CCNY: variants seen among roughly 807,000 people sequenced by gnomAD.
CCNY encodes the protein cyclin-Y.
A neutral mutation model predicts 42.8 loss-of-function variants in CCNY; 19 were observed. The ratio of observed to expected loss-of-function variants is 0.44; its 90% confidence interval spans 0.31 to 0.65. CCNY has a LOEUF of 0.65. Ranked by LOEUF, CCNY falls within the 30% of genes least tolerant of loss-of-function variation. The probability of loss-of-function intolerance (pLI) is 0.07; values close to 1 mark genes in which losing one functional copy is unlikely to be tolerated. For missense variants in CCNY, 370 were observed against 437.3 expected, an observed-to-expected ratio of 0.85 and a Z score of 1.37; for synonymous variants, 165 against 162.7, an observed-to-expected ratio of 1.01 and a Z score of -0.11.
At chr10:35,406,621 G>A (rs932756764) in intron 1 of CCNY, among the ~76,000 whole-genome samples, 1 of 152,198 alleles carries the variant, frequency 6.6e-6, no homozygotes, top group African/African-American at 2.4e-5. Flanking sequence ...AGTCTCCCAT[G>A]TCTACCTCTT....
At chr10:35,410,881 A>G (rs180898213) in intron 1 of CCNY, among the ~76,000 whole-genome samples, 2 of 152,320 alleles carry the variant, frequency 1.3e-5, no homozygotes, top group Admixed American at 1.3e-4. Context: ...TCGCTGGTCT[A>G]GAGAACTACT....
chr10:35,543,432 G>C (rs188453694), intron 7 of CCNY, among the ~76,000 whole-genome samples: 4 of 152,304 alleles, frequency 2.6e-5, no homozygotes, highest in Admixed American at 6.5e-5. Flanking sequence ...TTCAGTCAAC[G>C]ATGGACCACA....
rs2504369 is a variant in CCNY at position 35,389,522 on chromosome 10, C to T, written c.154+52315C>T. Among the ~76,000 whole-genome samples, 559 of 150,872 alleles carry T rather than the reference C, an allele frequency of 3.7e-3. 1 individual carries two copies. Among genetic ancestry groups the T allele is most frequent in the Admixed American group, 6.9e-3 (104 of 15,162 alleles). ...TGGTATGATCTCGGCTTGCTGCAAC[C>T]TCTGCCTCCCGGGTTCAAGCAGTTC... On this transcript the variant is annotated intron_variant, in intron 1 of 9. Transcript: ENST00000374704.
At chr10:35,497,041 C>G (rs1840016638) in intron 2 of CCNY, among the ~76,000 whole-genome samples, 2 of 152,284 alleles carry the variant, frequency 1.3e-5, no homozygotes, top group South Asian at 4.1e-4. Context: ...TCACTGTAGC[C>G]AATTAAAAAT....
At chr10:35,390,024 A>G (rs180847487) in intron 1 of CCNY, among the ~76,000 whole-genome samples, 4 of 152,380 alleles carry the variant, frequency 2.6e-5, no homozygotes, top group Non-Finnish European at 5.9e-5. Context: ...ATGGAAAATG[A>G]GGAAGATCTC....
chr10:35,386,319 G>A (rs527845154), intron 1 of CCNY, among the ~76,000 whole-genome samples: 133 of 152,240 alleles, frequency 8.7e-4, no homozygotes, highest in African/African-American at 3.0e-3. Context: ...GGGATTTCCC[G>A]GTAAAGCATG....
intron 1 of CCNY, among the ~76,000 whole-genome samples, chr10:35,383,807 A>G (rs1837244505): frequency 6.6e-6 from 1 of 152,220 alleles, no homozygotes; most frequent in African/African-American, 2.4e-5. Flanking sequence ...GATTGGGGAC[A>G]GTACTTTTAG....
intron 1 of CCNY, among the ~76,000 whole-genome samples, chr10:35,446,216 T>G (rs1330076919): frequency 6.6e-6 from 1 of 152,254 alleles, no homozygotes; most frequent in Non-Finnish European, 1.5e-5. Context: ...TGATGGCTAT[T>G]TCAGCCTTTT....
chr10:35,560,352 G>A (rs770506982), intron 8 of CCNY, among the ~76,000 whole-genome samples: 7 of 152,158 alleles, frequency 4.6e-5, no homozygotes, highest in African/African-American at 7.2e-5. Flanking sequence ...ATGTAACCAT[G>A]TCTGGAGATA....
chr10:35,565,328 A>G (rs1841547682), intron 8 of CCNY, among the ~76,000 whole-genome samples: 1 of 152,094 alleles, frequency 6.6e-6, no homozygotes, highest in South Asian at 2.1e-4. Context: ...TTCCTTAGAA[A>G]TGCACATTCT....
intron 3 of CCNY, among the ~76,000 whole-genome samples, chr10:35,275,680 G>A (rs1033084808): frequency 8.6e-5 from 13 of 151,824 alleles, no homozygotes; most frequent in South Asian, 2.1e-4. Context: ...GGAGAATGGC[G>A]TGAACCCGGG....
chr10:35,409,547 A>T (rs1199326754), intron 1 of CCNY, among the ~76,000 whole-genome samples: 1 of 152,206 alleles, frequency 6.6e-6, no homozygotes, highest in Non-Finnish European at 1.5e-5. Flanking sequence ...AGGTCTGGGC[A>T]TAGTGATGAG....
chr10:35,259,509 T>G (rs897410314), intron 3 of CCNY, among the ~76,000 whole-genome samples: 5 of 137,050 alleles, frequency 3.6e-5, no homozygotes, highest in African/African-American at 1.4e-4. Flanking sequence ...TTTTTTTTTT[T>G]TTTTTTTTTT....
chr10:35,499,695 A>G (rs370329762), intron 2 of CCNY, among the ~76,000 whole-genome samples: 2 of 152,144 alleles, frequency 1.3e-5, no homozygotes, highest in Admixed American at 1.3e-4. Flanking sequence ...GGTGGTTCCC[A>G]CAGTTGGGAG....
chr10:35,552,524 G>A (rs985303651), intron 7 of CCNY, among the ~76,000 whole-genome samples: 4 of 152,102 alleles, frequency 2.6e-5, no homozygotes, highest in African/African-American at 4.8e-5. Flanking sequence ...ACCTAATGCC[G>A]CTGAACTGAA....
At position 35,554,285 on chromosome 10, in the gene CCNY, G is replaced by A. The variant is rs971874794; in HGVS notation, c.746+1100G>A. ...GGCACCCATTGTTGTGGCACCCTTT[G>A]AAGCACTGCTTGTTTATGTTCTTAG... is the stretch of plus-strand genomic sequence containing the variant. On this transcript the variant is annotated intron_variant, in intron 8 of 9. Transcript: ENST00000374704. 4.6e-5 allele frequency among the ~76,000 whole-genome samples: 7 copies of A among 152,256 alleles called. No homozygotes were observed. In the East Asian group the frequency reaches 1.2e-3, roughly 25 times the overall value.
chr10:35,399,315 C>CCCAGGGGGTCCTTCTCCATGG (rs56799045), intron 1 of CCNY, among the ~76,000 whole-genome samples: 150,846 of 151,894 alleles, frequency 0.99, 74,915 homozygotes, highest in Middle Eastern at 1. Flanking sequence ...GGCTTGACTG[C>CCCAGGGGGTCCTTCTCCATGG]CCAGGATGCT....
intron 3 of CCNY, among the ~76,000 whole-genome samples, chr10:35,291,062 A>G (rs1835407838): frequency 6.6e-6 from 1 of 151,098 alleles, no homozygotes; most frequent in African/African-American, 2.4e-5. Context: ...CTGGAGTGCA[A>G]TGGTGCAATC....
chr10:35,384,278 C>T (rs1837255893), intron 1 of CCNY, among the ~76,000 whole-genome samples: 1 of 152,012 alleles, frequency 6.6e-6, no homozygotes. Context: ...ATTTTGAGGG[C>T]ATTAGTATTC....
Sources: gnomAD v4.1 joint callset for allele counts (sites outside exome capture counted in the v4.1 genomes callset) on GRCh38, gnomAD v4.1.1 for gene constraint, MANE v1.5 for transcripts, NCBI Gene and HGNC (gene_info 2026-07-23, HGNC 2026-07-21) for gene names.